Variants in ALK observed in about 807,000 individuals in gnomAD.
ALK encodes the protein ALK receptor tyrosine kinase, also known as ALK tyrosine kinase receptor.
Under a neutral mutation model 163.1 loss-of-function variants are expected in ALK, and 74 were observed. That is an observed-to-expected ratio of 0.45 (90% CI 0.38 to 0.55). The LOEUF (loss-of-function observed/expected upper bound fraction) is 0.55, where lower values mean the gene tolerates loss of function less well. Ranked by LOEUF, ALK falls within the 20% of genes least tolerant of loss-of-function variation. The pLI, the probability that ALK is intolerant of heterozygous loss-of-function variation, is 0.00. For synonymous variants in ALK, 960 were observed against 843.2 expected (o/e 1.14, Z -2.40); for missense variants, 2,063 against 2,105.3 (o/e 0.98, Z 0.39).
intron 1 of ALK, among the ~76,000 whole-genome samples, chr2:29,827,525 A>G (rs915297840): frequency 2.6e-5 from 4 of 152,134 alleles, no homozygotes; most frequent in Non-Finnish European, 5.9e-5. Context: ...ACTTAGACCA[A>G]TCTGTTTAGT....
intron 1 of ALK, among the ~76,000 whole-genome samples, chr2:29,813,727 G>A (rs796192387): frequency 3.2e-4 from 49 of 152,186 alleles, no homozygotes; most frequent in African/African-American, 1.1e-3. Context: ...CACATCTGCC[G>A]ACTCCAAGTG....
At chr2:29,852,267 A>T (rs1264137473) in intron 1 of ALK, among the ~76,000 whole-genome samples, 4 of 152,182 alleles carry the variant, frequency 2.6e-5, no homozygotes, top group Non-Finnish European at 5.9e-5. Flanking sequence ...GCCTTCCCCC[A>T]GGTGACAATC....
intron 4 of ALK, among the ~76,000 whole-genome samples, chr2:29,526,833 T>C (rs1415913697): frequency 1.3e-5 from 2 of 152,226 alleles, no homozygotes; most frequent in Non-Finnish European, 2.9e-5. Context: ...ATCAGGTCCC[T>C]TTTCAGAAGC....
chr2:29,808,540 G>C (rs972765303), intron 1 of ALK, among the ~76,000 whole-genome samples: 8 of 152,124 alleles, frequency 5.3e-5, no homozygotes, highest in Non-Finnish European at 1.0e-4. Context: ...AGATCCCTGG[G>C]AGATAGAGTG....
chr2:29,339,798 G>A (rs1667737026), intron 5 of ALK, among the ~76,000 whole-genome samples: 1 of 152,122 alleles, frequency 6.6e-6, no homozygotes, highest in Non-Finnish European at 1.5e-5. Flanking sequence ...ACTAGGGTGG[G>A]ACCAGGGCTG....
intron 12 of ALK, among the ~76,000 whole-genome samples, chr2:29,242,066 A>G (rs146461888): frequency 1.8e-3 from 267 of 152,300 alleles, no homozygotes; most frequent in African/African-American, 5.9e-3. Flanking sequence ...CAATAATTAA[A>G]AGGCTGAGAA....
chr2:29,425,063 G>T (rs1008241087), intron 4 of ALK, among the ~76,000 whole-genome samples: 1 of 152,166 alleles, frequency 6.6e-6, no homozygotes. Context: ...GAGCCCTGCA[G>T]ATCTGCTCTC....
At chr2:29,259,710 T>C (rs1665036370) in intron 11 of ALK, among the ~76,000 whole-genome samples, 1 of 152,140 alleles carries the variant, frequency 6.6e-6, no homozygotes, top group African/African-American at 2.4e-5. Flanking sequence ...TTTACTAGAA[T>C]ACACATTGGT....
intron 3 of ALK, among the ~76,000 whole-genome samples, chr2:29,594,426 CT>C (rs754184164): frequency 0.04 from 5,110 of 128,922 alleles, 75 homozygotes; most frequent in African/African-American, 0.044. Flanking sequence ...GGTCTCCTCA[CT>C]TTTTTTTTTT....
intron 23 of ALK, among the ~76,000 whole-genome samples, chr2:29,215,798 C>T (rs1164023730): frequency 1.3e-5 from 2 of 152,208 alleles, no homozygotes; most frequent in African/African-American, 4.8e-5. Context: ...TCGAGCTGAC[C>T]CGGGCTCCAC....
At chr2:29,663,585 T>C (rs886315652) in intron 3 of ALK, among the ~76,000 whole-genome samples, 1 of 152,294 alleles carries the variant, frequency 6.6e-6, no homozygotes, top group East Asian at 1.9e-4. Context: ...AACCAGACTG[T>C]ATTTTGGATG....
intron 1 of ALK, among the ~76,000 whole-genome samples, chr2:29,794,192 T>C (rs983157337): frequency 2.6e-5 from 4 of 152,194 alleles, no homozygotes; most frequent in Non-Finnish European, 5.9e-5. Flanking sequence ...ATGGCTTTTT[T>C]CCTTCAACCT....
intron 8 of ALK, among the ~76,000 whole-genome samples, chr2:29,298,174 C>A (rs1206222459): frequency 6.6e-6 from 1 of 152,194 alleles, no homozygotes; most frequent in African/African-American, 2.4e-5. Flanking sequence ...GGCATTGGGG[C>A]CCCCAGGGAC....
chr2:29,652,892 A>G (rs1053789618), intron 3 of ALK, among the ~76,000 whole-genome samples: 1 of 151,962 alleles, frequency 6.6e-6, no homozygotes, highest in Non-Finnish European at 1.5e-5. Flanking sequence ...CCTTTATAAT[A>G]AATCGGTAGA....
At chr2:29,710,492 CTG>C (rs1197448193) in intron 2 of ALK, among the ~76,000 whole-genome samples, 90 of 102,218 alleles carry the variant, frequency 8.8e-4, no homozygotes, top group African/African-American at 3.2e-3. Flanking sequence ...CAACCTCAGT[CTG>C]TGTGCGTGTG....
intron 8 of ALK, among the ~76,000 whole-genome samples, chr2:29,313,106 G>C (rs1340499680): frequency 1.3e-5 from 2 of 152,208 alleles, no homozygotes; most frequent in African/African-American, 4.8e-5. Flanking sequence ...TGGGCAGAGA[G>C]GCTGGTCCCA....
intron 3 of ALK, among the ~76,000 whole-genome samples, chr2:29,613,523 G>A (rs1431294267): frequency 2.0e-5 from 3 of 152,194 alleles, no homozygotes; most frequent in Non-Finnish European, 4.4e-5. Context: ...CAGTTCAATG[G>A]CTTGGGCACT....
intron 4 of ALK, among the ~76,000 whole-genome samples, chr2:29,474,519 G>A (rs1288034615): frequency 1.3e-5 from 2 of 152,218 alleles, no homozygotes; most frequent in African/African-American, 4.8e-5. Flanking sequence ...ACGGCTGGTT[G>A]TGCTGATGGT....
chr2:29,576,775 C>A (rs1432455548), intron 3 of ALK, among the ~76,000 whole-genome samples: 16 of 152,018 alleles, frequency 1.1e-4, no homozygotes, highest in Non-Finnish European at 1.9e-4. Flanking sequence ...GGAGTGCAAA[C>A]CCTACAGTAA....
Sources: allele counts gnomAD v4.1 joint callset (sites outside exome capture counted in the v4.1 genomes callset), GRCh38; gene constraint gnomAD v4.1.1; transcripts MANE v1.5; gene names NCBI Gene and HGNC (gene_info 2026-07-23, HGNC 2026-07-21).